Variants in NAV3 observed in about 807,000 individuals in gnomAD.
NAV3 encodes the protein neuron navigator 3, also known as pore membrane and/or filament interacting like protein 1.
In NAV3, 87 loss-of-function variants were observed where a neutral mutation model predicts 244.7. The ratio of observed to expected loss-of-function variants is 0.36; its 90% CI spans 0.30 to 0.42. NAV3 has a LOEUF of 0.42. NAV3 is among the 20% of genes least tolerant of loss of function. The pLI, the probability that NAV3 is intolerant of heterozygous loss-of-function variation, is 1.00. For synonymous variants in NAV3, 1,126 were observed against 1,042.2 expected, an observed-to-expected ratio of 1.08 and a Z score of -1.55; for missense variants, 2,663 against 2,893.3, an observed-to-expected ratio of 0.92 and a Z score of 1.83.
At chr12:77,964,027 C>A (rs1226533550) in intron 3 of NAV3, among the ~76,000 whole-genome samples, 2 of 145,380 alleles carry the variant, frequency 1.4e-5, no homozygotes, top group African/African-American at 5.0e-5. Flanking sequence ...CTTCCCTCCT[C>A]CTCCTTTTTC....
intron 2 of NAV3, among the ~76,000 whole-genome samples, chr12:77,736,329 C>G (rs1877332698): frequency 6.6e-6 from 1 of 152,186 alleles, no homozygotes; most frequent in African/African-American, 2.4e-5. Flanking sequence ...TATTTCTTAA[C>G]AAACACCTCA....
At position 77,672,600 on chromosome 12, in the gene NAV3, C is replaced by T. The variant is rs76176385; in HGVS notation, c.72+100334C>T. 7.4e-3 allele frequency among the ~76,000 whole-genome samples: 1,117 copies of T among 151,866 alleles called. 20 individuals carry two copies. The highest frequency in any genetic ancestry group is 0.026 in the African/African-American group (1,067 of 41,406). The stretch of plus-strand genomic sequence containing the variant: ...TGAGTAGTATTCCATGGTGCGTACA[C>T]ATATACATATGTATGTATATGTATA... On this transcript the variant is annotated intron_variant, in intron 2 of 8. Coordinates refer to the NAV3 transcript ENST00000550042.
At chr12:78,164,830 T>G (rs413249) in intron 23 of NAV3, among the ~76,000 whole-genome samples, 7,471 of 152,088 alleles carry the variant, frequency 0.049, 199 homozygotes, top group Non-Finnish European at 0.072. Flanking sequence ...GTGGAAAATT[T>G]AAACAGGCTT....
chr12:77,939,742 G>T (rs1220131727), intron 1 of NAV3, among the ~76,000 whole-genome samples: 1 of 152,036 alleles, frequency 6.6e-6, no homozygotes, highest in Non-Finnish European at 1.5e-5. Flanking sequence ...AACTCCATTT[G>T]CTGCCTCTAT....
intron 2 of NAV3, among the ~76,000 whole-genome samples, chr12:77,723,991 A>G (rs565641176): frequency 6.6e-6 from 1 of 151,760 alleles, no homozygotes; most frequent in African/African-American, 2.4e-5. Context: ...TTTTCTATTC[A>G]TTAATTTTAA....
chr12:77,665,256 A>G (rs1397471004), intron 2 of NAV3, among the ~76,000 whole-genome samples: 1 of 152,204 alleles, frequency 6.6e-6, no homozygotes, highest in Non-Finnish European at 1.5e-5. Context: ...AGCTCAGTCA[A>G]GGACATATCT....
intron 1 of NAV3, among the ~76,000 whole-genome samples, chr12:77,876,275 A>G (rs1297173846): frequency 6.6e-6 from 1 of 152,038 alleles, no homozygotes; most frequent in Non-Finnish European, 1.5e-5. Context: ...TCCAATACTG[A>G]AAAGATGAGA....
intron 19 of NAV3, among the ~76,000 whole-genome samples, chr12:78,137,911 G>A (rs577449648): frequency 6.6e-6 from 1 of 152,140 alleles, no homozygotes; most frequent in African/African-American, 2.4e-5. Flanking sequence ...TAGTTATATA[G>A]TTCTATGTAA....
At chr12:77,664,908 A>G (rs1873647285) in intron 2 of NAV3, among the ~76,000 whole-genome samples, 1 of 152,002 alleles carries the variant, frequency 6.6e-6, no homozygotes, top group African/African-American at 2.4e-5. Context: ...TATTTTACTT[A>G]TTTGTTTATT....
upstream of NAV3, among the ~76,000 whole-genome samples, chr12:77,826,205 G>C (rs531514946): frequency 2.0e-5 from 3 of 152,068 alleles, no homozygotes; most frequent in Admixed American, 6.6e-5. Flanking sequence ...ATCAACATAA[G>C]ACAGATATAA....
chr12:77,880,558 T>G (rs938646537), intron 1 of NAV3, among the ~76,000 whole-genome samples: 1 of 152,170 alleles, frequency 6.6e-6, no homozygotes, highest in African/African-American at 2.4e-5. Flanking sequence ...TGTTTCCACC[T>G]ACTCTGCCAA....
At chr12:77,962,729 A>G (rs897215920) in intron 3 of NAV3, among the ~76,000 whole-genome samples, 1 of 152,112 alleles carries the variant, frequency 6.6e-6, no homozygotes, top group Non-Finnish European at 1.5e-5. Context: ...CCATTAATGG[A>G]CCCTGAAATC....
chr12:78,011,942 A>T (rs552553594), intron 8 of NAV3, among the ~76,000 whole-genome samples: 7 of 152,146 alleles, frequency 4.6e-5, no homozygotes, highest in Admixed American at 3.9e-4. Context: ...AAAGCATCAG[A>T]TCTCATGAGA....
At position 77,966,315 on chromosome 12, in the gene NAV3, T is replaced by C. The variant is rs756567828; in HGVS notation, c.487+14T>C. The C allele has an allele frequency of 6.9e-6, 11 of 1,596,612 alleles. No individual in the cohort carries two copies. The highest frequency in any genetic ancestry group is 2.2e-5 in the East Asian group (1 of 44,700). ...TATCTGCTGAAGGTAAGAAAAAGAA[T>C]GACTGAATTGTCACAAATGGCATCA... On this transcript the variant is annotated intron_variant, in intron 4 of 39. Coordinates refer to ENST00000397909, the MANE Select transcript of NAV3 (RefSeq NM_001024383.2).
rs57550714 is a variant in NAV3 at position 77,959,912 on chromosome 12, CAAAAAAAAAAAAAA to C, written c.415-6302_415-6289del. On this transcript the variant is annotated intron_variant, in intron 3 of 39. Transcript: ENST00000397909. ...AGTAGTATATTCCTCCCTGACCCGACAAAAAAAAAAAAAAAAAAAAAAAAAAAAGACCAAAAACT... is the reference window on the plus strand; with the variant it reads ...AGTAGTATATTCCTCCCTGACCCGACAAAAAAAAAAAAAAGACCAAAAACT... Among the ~76,000 whole-genome samples the C allele has an allele frequency of 1.2e-4, 8 of 64,708 alleles. No homozygotes were observed. In the South Asian group the frequency reaches 3.3e-3, roughly 27 times the overall value. The allele number at this position is 64,708 out of a possible 152,430, so 42.5% of individuals were successfully genotyped here.
chr12:77,807,643 C>T lies in NAV3; in HGVS notation c.73-132676C>T, dbSNP rs539501675. Among the ~76,000 whole-genome samples the T allele has an allele frequency of 4.3e-4, 66 of 152,246 alleles. No individual in the cohort carries two copies. The South Asian group carries it at 0.013, about 30-fold the overall frequency. ...TCTATTTCAACCTTGATGAATCTGA[C>T]GATTACGTGCCTTGGTGTTGCTCTT... is the stretch of plus-strand genomic sequence containing the variant. On this transcript the variant is annotated intron_variant, in intron 2 of 8. Transcript: ENST00000550042.
At chr12:77,993,182 G>A (rs1408158311) in intron 5 of NAV3, among the ~76,000 whole-genome samples, 1 of 152,096 alleles carries the variant, frequency 6.6e-6, no homozygotes, top group Non-Finnish European at 1.5e-5. Flanking sequence ...GAGGTGGGGG[G>A]ACCAGTAAGG....
intron 2 of NAV3, among the ~76,000 whole-genome samples, chr12:77,573,559 T>C (rs1868933810): frequency 6.6e-6 from 1 of 152,176 alleles, no homozygotes; most frequent in South Asian, 2.1e-4. Flanking sequence ...ATGTTCAGCC[T>C]GCTTTTCTTC....
At chr12:77,866,338 T>C (rs1169027909) in intron 1 of NAV3, among the ~76,000 whole-genome samples, 1 of 152,224 alleles carries the variant, frequency 6.6e-6, no homozygotes, top group Non-Finnish European at 1.5e-5. Context: ...TGTTAGTGGA[T>C]ACAAGAATGC....
Sources: allele counts gnomAD v4.1 joint callset (sites outside exome capture counted in the v4.1 genomes callset), GRCh38; gene constraint gnomAD v4.1.1; transcripts MANE v1.5; gene names NCBI Gene and HGNC (gene_info 2026-07-23, HGNC 2026-07-21).